Variants in DPP6 observed in about 807,000 individuals in gnomAD.
DPP6 encodes the protein A-type potassium channel modulatory protein DPP6.
A neutral mutation model predicts 122.6 loss-of-function variants in DPP6; 69 were observed. That is an observed-to-expected ratio of 0.56 (90% CI 0.46 to 0.69). The LOEUF (loss-of-function observed/expected upper bound fraction) is 0.69, where lower values mean the gene tolerates loss of function less well. Among genes scored for constraint, DPP6 ranks in the 30% least tolerant of loss-of-function variants. The pLI is 0.00. For synonymous variants in DPP6, 418 were observed against 433.1 expected (o/e 0.97, Z 0.43); for missense variants, 928 against 1,116.9 (o/e 0.83, Z 2.41).
intron 3 of DPP6, among the ~76,000 whole-genome samples, chr7:154,525,321 A>G (rs1007134622): frequency 6.6e-6 from 1 of 151,778 alleles, no homozygotes; most frequent in Non-Finnish European, 1.5e-5. Flanking sequence ...CTTTTAAATT[A>G]TTTTTTTTGA....
At chr7:154,315,744 G>T (rs1807378509) in intron 1 of DPP6, among the ~76,000 whole-genome samples, 2 of 152,172 alleles carry the variant, frequency 1.3e-5, no homozygotes. Context: ...CATGTCAGGT[G>T]ATTAAAGGCT....
At chr7:154,804,008 G>A (rs1369308313) in intron 14 of DPP6, 53 bp downstream of exon 14, 52 of 1,583,468 alleles carry the variant, frequency 3.3e-5, no homozygotes, top group Non-Finnish European at 4.4e-5. Flanking sequence ...GGGCACATTT[G>A]TTATTTTTTG....
intron 7 of DPP6, among the ~76,000 whole-genome samples, chr7:154,722,707 C>T (rs1182112591): frequency 3.9e-5 from 6 of 152,056 alleles, no homozygotes; most frequent in East Asian, 1.9e-4. Flanking sequence ...GGGGATGGTG[C>T]GTGGACTAAT....
At chr7:154,479,940 G>A (rs985643098) in intron 3 of DPP6, among the ~76,000 whole-genome samples, 1 of 152,042 alleles carries the variant, frequency 6.6e-6, no homozygotes, top group Non-Finnish European at 1.5e-5. Context: ...ACTGCCAGAA[G>A]AGAGCTTAGG....
chr7:153,795,341 G>A, the DPP6 span, among the ~76,000 whole-genome samples: 1 of 152,230 alleles, frequency 6.6e-6, no homozygotes, highest in Non-Finnish European at 1.5e-5. Flanking sequence ...CTTGAATCCA[G>A]GAGGTGGAGG....
At chr7:153,843,246 A>G in the DPP6 span, among the ~76,000 whole-genome samples, 1 of 150,254 alleles carries the variant, frequency 6.7e-6, no homozygotes, top group Non-Finnish European at 1.5e-5. Flanking sequence ...ACACGCACAT[A>G]CATGTGCATA....
chr7:154,499,325 C>T (rs113311647), intron 3 of DPP6, among the ~76,000 whole-genome samples: 1 of 152,276 alleles, frequency 6.6e-6, no homozygotes, highest in South Asian at 2.1e-4. Flanking sequence ...GCACTGCCCC[C>T]CTGCCTTCTA....
intron 7 of DPP6, among the ~76,000 whole-genome samples, chr7:154,685,835 T>C (rs76696726): frequency 0.035 from 5,274 of 152,284 alleles, 310 homozygotes; most frequent in African/African-American, 0.12. Flanking sequence ...AATTATTTTG[T>C]TTTCTTTTTC....
chr7:153,856,665 A>G, the DPP6 span, among the ~76,000 whole-genome samples: 4 of 152,176 alleles, frequency 2.6e-5, no homozygotes, highest in South Asian at 2.1e-4. Flanking sequence ...GAGCCTTTCT[A>G]TAAACACACC....
At chr7:153,857,837 A>T in the DPP6 span, among the ~76,000 whole-genome samples, 5 of 152,196 alleles carry the variant, frequency 3.3e-5, no homozygotes, top group Non-Finnish European at 7.3e-5. Context: ...ACACCACCAC[A>T]TACTTGGGTT....
At chr7:154,359,939 C>T (rs924941815) in intron 1 of DPP6, among the ~76,000 whole-genome samples, 14 of 152,296 alleles carry the variant, frequency 9.2e-5, no homozygotes, top group African/African-American at 3.4e-4. Context: ...AGGACAAGAA[C>T]GATCTCCTTG....
intron 1 of DPP6, among the ~76,000 whole-genome samples, chr7:154,141,349 A>G (rs1795835284): frequency 6.6e-6 from 1 of 152,144 alleles, no homozygotes; most frequent in Admixed American, 6.6e-5. Context: ...ACCCCTCCTC[A>G]GTGCGACTCC....
chr7:154,883,070 T>C lies in DPP6; in HGVS notation c.2133+2128T>C, dbSNP rs538450360. Among the ~76,000 whole-genome samples, 701 of 140,520 alleles carry C rather than the reference T, an allele frequency of 5.0e-3. 3 individuals carry two copies. Among genetic ancestry groups the C allele is most frequent in the African/African-American group, 0.017 (631 of 37,586 alleles). The allele number at this position is 140,520 out of a possible 152,430, so 92.2% of individuals were successfully genotyped here. On this transcript the variant is annotated intron_variant, in intron 21 of 25. Coordinates refer to ENST00000377770, the MANE Select transcript of DPP6 (RefSeq NM_130797.4). ...ACACATGCTCACACATTCACACACA[T>C]GCTCACCCATACACCTGCTCACCCA... is the stretch of plus-strand genomic sequence containing the variant.
chr7:154,431,710 T>A (rs1818441066), intron 1 of DPP6, among the ~76,000 whole-genome samples: 1 of 151,878 alleles, frequency 6.6e-6, no homozygotes, highest in Non-Finnish European at 1.5e-5. Flanking sequence ...AATTTTTGTA[T>A]TTTTAGTAGA....
chr7:154,853,799 G>A lies in DPP6; in HGVS notation c.1686G>A (p.Val562=), dbSNP rs779312269. ...ACACAGGTCCTGGTGTTCCTATGGT[G>A]ACGGTGCACAACACAACAGATAAGA... The part of the protein sequence containing the change: ...LKCEGPGVPM[V]TVHNTTDKKK... The change falls in exon 17 of 26, where the codon GTG becomes GTA. Residue 562 remains valine, a synonymous_variant. Coordinates refer to ENST00000377770, the MANE Select transcript of DPP6 (RefSeq NM_130797.4). The A allele has an allele frequency of 1.1e-5, 17 of 1,613,752 alleles. No individual in the cohort carries two copies. The highest frequency in any genetic ancestry group is 1.4e-5 in the Non-Finnish European group (16 of 1,179,844).
chr7:153,775,655 A>G, the DPP6 span, among the ~76,000 whole-genome samples: 10 of 152,206 alleles, frequency 6.6e-5, no homozygotes, highest in Admixed American at 5.9e-4. Flanking sequence ...CTATCTGCAG[A>G]CAAAATGACT....
At chr7:154,284,380 A>T (rs1385387628) in intron 1 of DPP6, among the ~76,000 whole-genome samples, 2 of 152,246 alleles carry the variant, frequency 1.3e-5, no homozygotes, top group Non-Finnish European at 2.9e-5. Context: ...AAGGACTCAG[A>T]TACTTATATG....
chr7:154,278,493 T>C (rs529423862), intron 1 of DPP6, among the ~76,000 whole-genome samples: 460 of 152,346 alleles, frequency 3.0e-3, no homozygotes, highest in Non-Finnish European at 5.4e-3. Flanking sequence ...TATAGAAGCA[T>C]GTACATCATA....
chr7:154,462,095 C>T (rs1221625400), intron 2 of DPP6, among the ~76,000 whole-genome samples: 1 of 152,040 alleles, frequency 6.6e-6, no homozygotes, highest in African/African-American at 2.4e-5. Context: ...CCAGTTTTCC[C>T]TTCAACATTT....
Sources: allele counts gnomAD v4.1 joint callset (sites outside exome capture counted in the v4.1 genomes callset), GRCh38; gene constraint gnomAD v4.1.1; transcripts MANE v1.5; gene names NCBI Gene and HGNC (gene_info 2026-07-23, HGNC 2026-07-21).